GOLGA8S: variants seen among roughly 807,000 people sequenced by gnomAD.
The protein encoded by GOLGA8S is golgin A8 family member S, also known as golgin subfamily A member 8S.
GOLGA8S carries 23 observed loss-of-function variants against 58.9 expected under a neutral mutation model. The observed-to-expected ratio is 0.39, with a 90% CI of 0.28 to 0.55. The LOEUF is 0.55. GOLGA8S is among the 20% of genes least tolerant of loss of function. GOLGA8S has a pLI of 0.63. For synonymous variants in GOLGA8S, 84 were observed against 195.7 expected (o/e 0.43, Z 4.76); for missense variants, 266 against 514.2 (o/e 0.52, Z 4.67).
At chr15:23,365,621 G>A (rs949887431), downstream of GOLGA8S, 11 of 260,596 alleles carry the variant, frequency 4.2e-5, no homozygotes, top group African/African-American at 1.6e-4. Context: ...GCCCCCAAGC[G>A]TGCACTGTTT....
intron 1 of GOLGA8S, among the ~76,000 whole-genome samples, chr15:23,356,158 G>T (rs1314476882): frequency 1.4e-5 from 2 of 143,814 alleles, no homozygotes; most frequent in African/African-American, 2.5e-5. Context: ...TAACAGAAAG[G>T]CTGCCTTCTG....
chr15:23,359,876 CA>C (rs1240991131), intron 8 of GOLGA8S, among the ~76,000 whole-genome samples: 1 of 147,376 alleles, frequency 6.8e-6, no homozygotes, highest in Non-Finnish European at 1.5e-5. Flanking sequence ...TTTTCATCTA[CA>C]CAATAGAGGT....
intron 10 of GOLGA8S, 26 bp from the exon 11 acceptor site, chr15:23,360,702 G>A (rs2069773065): frequency 1.8e-6 from 2 of 1,087,586 alleles, no homozygotes; most frequent in South Asian, 2.5e-5. Flanking sequence ...TCTCTCCAGG[G>A]CCCTTTCCCC....
At chr15:23,354,773 CTGGAGG>C, upstream of GOLGA8S, 1 of 207,242 alleles carries the variant, frequency 4.8e-6, no homozygotes, top group Admixed American at 6.7e-5. Flanking sequence ...TGGTAGGTGA[CTGGAGG>C]TGTTGATCAG....
rs4036680 is a variant in GOLGA8S, at chr15:23,364,417, T to C, written c.1422T>C (p.Ile474=). ...TGAAGAAACAAGAACTTCGCTTCAT[T>C]CAATACTGGCAAGAGAGATGCCATC... Residue 474 remains isoleucine, a synonymous_variant, in exon 16 of 19, where the codon ATT becomes ATC. Transcript: ENST00000562295. 139 of 1,604,364 alleles carry C rather than the reference T, an allele frequency of 8.7e-5. 2 individuals are homozygous for C. Among genetic ancestry groups the C allele is most frequent in the East Asian group, 3.3e-4 (15 of 44,802 alleles).
chr15:23,366,540 C>G (rs887282133), downstream of GOLGA8S: 5 of 151,980 alleles, frequency 3.3e-5, no homozygotes, highest in African/African-American at 1.2e-4. Context: ...ATCTACTGTT[C>G]GTGAATGTCA....
exon 11 of GOLGA8S, chr15:23,360,812 A>T (rs1596016399): frequency 6.9e-7 from 1 of 1,439,062 alleles, no homozygotes; most frequent in African/African-American, 1.4e-5. Flanking sequence ...CAAAAACCAG[A>T]TGGGTAAGAT....
At chr15:23,362,558 A>T (rs1222702292) in intron 13 of GOLGA8S, among the ~76,000 whole-genome samples, 7 of 133,046 alleles carry the variant, frequency 5.3e-5, no homozygotes, top group African/African-American at 2.1e-4. Flanking sequence ...CATGGGAAGC[A>T]TTAGGCCTGT....
At position 23,359,562 on chromosome 15, in the gene GOLGA8S, C is replaced by CGT. The variant is rs560966226; in HGVS notation, c.591+366_591+367dup. Among the ~76,000 whole-genome samples, 470 of 137,954 alleles carry CGT rather than the reference C, an allele frequency of 3.4e-3. 2 individuals are homozygous for CGT. The East Asian group carries it at 0.04, about 12-fold the overall frequency. The allele number at this position is 137,954 out of a possible 152,430, so 90.5% of individuals were successfully genotyped here. ...TTACCATTTCTGTAGAGAGAGGAAACGTGTGTGTGTGTGTACATATTATGA... is the reference window on the plus strand; with the variant it reads ...TTACCATTTCTGTAGAGAGAGGAAACGTGTGTGTGTGTGTGTACATATTATGA... On this transcript the variant is annotated intron_variant, in intron 8 of 18. Coordinates refer to ENST00000562295, the Ensembl canonical transcript of GOLGA8S.
rs1396007170 is a variant in GOLGA8S, at chr15:23,361,271, C to T, written c.925C>T (p.Gln309Ter). The T allele has an allele frequency of 2.0e-6, 3 of 1,488,528 alleles. No homozygotes were observed. The highest frequency in any genetic ancestry group is 2.8e-6 in the Non-Finnish European group (3 of 1,078,062). The allele number at this position is 1,488,528 out of a possible 1,614,324, so 92.2% of individuals were successfully genotyped here. The change falls in exon 12 of 19, where the codon CAG becomes TAG. Residue 309 changes from glutamine to a stop codon, truncating the protein, a stop_gained. Transcript: ENST00000562295. LOFTEE classifies it high-confidence loss of function. ...AGCAGTGCCCTCTGAGGCGGAGCTG[C>T]AGCACCTGAGGAAGGAACTAGAGAG...
downstream of GOLGA8S, chr15:23,366,462 G>A (rs1240131941): frequency 2.6e-5 from 4 of 151,836 alleles, no homozygotes; most frequent in Non-Finnish European, 5.9e-5. Context: ...TTAGTAGACG[G>A]TATTATACTA....
rs766887918 is a variant in GOLGA8S, at chr15:23,360,553, C to A, written c.786+21C>A. ...AGGAGGTGAGATCTGACCCTTCAGC[C>A]CCCCCACATTAGATAGGTCACTGGA... On this transcript the variant is annotated intron_variant, in intron 10 of 18. Transcript: ENST00000562295. 5.2e-5 allele frequency: 40 copies of A among 762,490 alleles called. 1 individual carries two copies. Among genetic ancestry groups the A allele is most frequent in the East Asian group, 9.8e-5 (4 of 40,644 alleles). 47.2% of individuals were successfully genotyped at this position (762,490 alleles called of 1,614,324 possible).
exon 12 of GOLGA8S, chr15:23,361,411 G>A: frequency 1.1e-6 from 1 of 946,364 alleles, no homozygotes; most frequent in Non-Finnish European, 1.7e-6. Flanking sequence ...AGCAGGAGGA[G>A]AGGCTTCAGC....
At chr15:23,367,814 A>T (rs1377071626), downstream of GOLGA8S, among the ~76,000 whole-genome samples, 4 of 151,956 alleles carry the variant, frequency 2.6e-5, 1 homozygote, top group Non-Finnish European at 4.4e-5. Flanking sequence ...ATACATTTTA[A>T]TTTCTGTAGG....
chr15:23,363,826 AC>A (rs1450299356), intron 15 of GOLGA8S, 57 bp downstream of exon 15: 1 of 525,106 alleles, frequency 1.9e-6, no homozygotes, highest in African/African-American at 2.3e-5. Flanking sequence ...TCCCTCCAAG[AC>A]CCCTTTATGC....
rs1412696679 is a variant in GOLGA8S at position 23,363,780 on chromosome 15, C to T, written c.1347+11C>T. On this transcript the variant is annotated intron_variant, in intron 15 of 18. Transcript: ENST00000562295. ...AGCAGGGAGGCCATGGTGAGCCTGA[C>T]TCCCCCTGCACCCATTTTGCCACCT... 1.7e-6 allele frequency: 1 copy of T among 592,472 alleles called. No homozygotes were observed. The highest frequency in any genetic ancestry group is 3.5e-5 in the Admixed American group (1 of 28,800). 36.7% of individuals were successfully genotyped at this position (592,472 alleles called of 1,614,324 possible).
At chr15:23,356,390 C>T (rs1361535575) in intron 1 of GOLGA8S, among the ~76,000 whole-genome samples, 4 of 128,786 alleles carry the variant, frequency 3.1e-5, no homozygotes, top group African/African-American at 5.2e-5. Context: ...GTTCATCTGT[C>T]GCCTTTTTCT....
chr15:23,359,954 GA>G (rs1212967794), intron 8 of GOLGA8S, among the ~76,000 whole-genome samples: 1 of 149,338 alleles, frequency 6.7e-6, no homozygotes, highest in Non-Finnish European at 1.5e-5. Context: ...GGTATCTGGT[GA>G]AGCACTCCAT....
intron 11 of GOLGA8S, 140 bp from the exon 12 acceptor site, chr15:23,361,081 C>G: frequency 1.1e-6 from 1 of 873,434 alleles, no homozygotes; most frequent in South Asian, 1.7e-5. Context: ...GAATCATTAG[C>G]AGTGAGGCCA....
Sources: allele counts gnomAD v4.1 joint callset (sites outside exome capture counted in the v4.1 genomes callset), GRCh38; gene constraint gnomAD v4.1.1; transcripts MANE v1.5; gene names NCBI Gene and HGNC (gene_info 2026-07-23, HGNC 2026-07-21).